IGSF11: variants seen among roughly 807,000 people sequenced by gnomAD.
IGSF11 encodes the protein CXADR like 1.
In IGSF11, 22 loss-of-function variants were observed where a neutral mutation model predicts 41.0. The ratio of observed to expected loss-of-function variants is 0.54; its 90% CI spans 0.38 to 0.77. IGSF11 has a LOEUF of 0.77. Among genes scored for constraint, IGSF11 ranks in the 30% least tolerant of loss-of-function variants. The pLI is 0.00. For missense variants in IGSF11, 444 were observed against 530.8 expected (o/e 0.84, Z 1.61); for synonymous variants, 219 against 201.3 (o/e 1.09, Z -0.74).
intron 1 of IGSF11, among the ~76,000 whole-genome samples, chr3:119,012,090 G>A (rs536893413): frequency 6.6e-6 from 1 of 152,212 alleles, no homozygotes; most frequent in South Asian, 2.1e-4. Flanking sequence ...GGCAAGTTGA[G>A]GAATGGCGTT....
intron 1 of IGSF11, among the ~76,000 whole-genome samples, chr3:119,062,690 A>G (rs1942091702): frequency 6.6e-6 from 1 of 152,202 alleles, no homozygotes; most frequent in Non-Finnish European, 1.5e-5. Context: ...AAGCTTAGCT[A>G]TTGATGGAAA....
chr3:119,024,884 T>C (rs1275231717), intron 1 of IGSF11, among the ~76,000 whole-genome samples: 1 of 152,182 alleles, frequency 6.6e-6, no homozygotes, highest in Non-Finnish European at 1.5e-5. Flanking sequence ...GAAGATATTG[T>C]CATACTTACA....
intron 1 of IGSF11, among the ~76,000 whole-genome samples, chr3:119,104,111 C>A (rs79834343): frequency 0.022 from 3,328 of 152,218 alleles, 74 homozygotes; most frequent in Non-Finnish European, 0.029. Context: ...ATAATAAGGT[C>A]ATCTTAGTCG....
At chr3:119,002,443 C>G (rs1289581982) in intron 1 of IGSF11, among the ~76,000 whole-genome samples, 497 of 146,812 alleles carry the variant, frequency 3.4e-3, no homozygotes, top group South Asian at 7.1e-3. Context: ...TCTGATGGTA[C>G]TTTCTTTTGC....
At chr3:119,082,167 G>T (rs1211753803) in intron 1 of IGSF11, among the ~76,000 whole-genome samples, 1 of 152,050 alleles carries the variant, frequency 6.6e-6, no homozygotes, top group East Asian at 1.9e-4. Flanking sequence ...CAGACCTCCT[G>T]TTAATTGAAA....
At chr3:119,102,494 T>A (rs1283994906) in intron 1 of IGSF11, among the ~76,000 whole-genome samples, 1 of 152,236 alleles carries the variant, frequency 6.6e-6, no homozygotes, top group Non-Finnish European at 1.5e-5. Flanking sequence ...TGTTTGAACA[T>A]AACATAAATG....
At chr3:119,000,731 T>G (rs1341920744) in intron 1 of IGSF11, among the ~76,000 whole-genome samples, 2 of 152,178 alleles carry the variant, frequency 1.3e-5, no homozygotes, top group Non-Finnish European at 2.9e-5. Flanking sequence ...AGAAGGGCAT[T>G]AACAATTGCA....
At chr3:119,057,800 G>A (rs1353418694) in intron 1 of IGSF11, among the ~76,000 whole-genome samples, 1 of 152,116 alleles carries the variant, frequency 6.6e-6, no homozygotes, top group Non-Finnish European at 1.5e-5. Context: ...ACAGAACAGA[G>A]CCCTCAGAAA....
At chr3:118,947,153 A>G (rs1944214631) in intron 1 of IGSF11, 1 of 152,216 alleles carries the variant, frequency 6.6e-6, no homozygotes, top group African/African-American at 2.4e-5. Context: ...CCAGCCCCCT[A>G]AGAACTAGAG....
rs1181552877 is a variant in IGSF11 at position 119,067,800 on chromosome 3, CAG to C, written c.49+37342_49+37343del. Among the ~76,000 whole-genome samples, 10 of 152,282 alleles carry C rather than the reference CAG, an allele frequency of 6.6e-5. No homozygotes were observed. In the East Asian group the frequency reaches 1.2e-3, roughly 18 times the overall value. On this transcript the variant is annotated intron_variant, in intron 1 of 6. Coordinates refer to the IGSF11 transcript ENST00000354673. ...CCATGCCTAGAACAGGCAAAAGCCC[CAG>C]AGGGAGGCATTTGTTCATTCACCTA...
rs1001678642 is a variant in IGSF11, at chr3:118,935,333, G to A, written c.53-5058C>T. On this transcript the variant is annotated intron_variant, in intron 1 of 6. Coordinates refer to ENST00000393775, the MANE Select transcript of IGSF11 (RefSeq NM_001015887.3). ...ATATATATATATGTATATACACCCT[G>A]AGATATATATATATATACATGTATA... 5.1e-5 allele frequency among the ~76,000 whole-genome samples: 7 copies of A among 137,468 alleles called. No individual in the cohort carries two copies. The East Asian group carries it at 1.5e-3, about 29-fold the overall frequency. 90.2% of individuals were successfully genotyped at this position (137,468 alleles called of 152,430 possible). A position where few individuals can be genotyped will look rare whatever the true frequency, so the allele number is the denominator to read the frequency against.
At chr3:118,926,915 T>C (rs1387658134) in intron 3 of IGSF11, among the ~76,000 whole-genome samples, 5 of 152,160 alleles carry the variant, frequency 3.3e-5, no homozygotes, top group Non-Finnish European at 7.3e-5. Context: ...AACAAAACCA[T>C]AAACTAAGCC....
rs187569977 is a variant in IGSF11, at chr3:119,073,046, G to C, written c.49+32098C>G. Among the ~76,000 whole-genome samples, 22 of 152,288 alleles carry C rather than the reference G, an allele frequency of 1.4e-4. No individual in the cohort carries two copies. In the East Asian group the frequency reaches 3.9e-3, roughly 27 times the overall value. ...TGGTGCATTTACAAACCTTGAGCTA[G>C]ACACAGCACTGATTGGTGCACTTAC... is the stretch of plus-strand genomic sequence containing the variant. On this transcript the variant is annotated intron_variant, in intron 1 of 6. Transcript: ENST00000354673.
At chr3:118,913,166 A>G (rs181095492) in intron 4 of IGSF11, among the ~76,000 whole-genome samples, 1 of 152,246 alleles carries the variant, frequency 6.6e-6, no homozygotes, top group East Asian at 1.9e-4. Context: ...ACATTTACGG[A>G]TAAGCAAAGG....
intron 1 of IGSF11, among the ~76,000 whole-genome samples, chr3:119,141,318 C>A (rs1203688936): frequency 6.6e-6 from 1 of 150,958 alleles, no homozygotes; most frequent in East Asian, 1.9e-4. Context: ...TTAAAAGCAA[C>A]AAAGGTCCCA....
At chr3:119,085,213 C>T (rs1287482287) in intron 1 of IGSF11, among the ~76,000 whole-genome samples, 3 of 152,192 alleles carry the variant, frequency 2.0e-5, no homozygotes, top group Non-Finnish European at 4.4e-5. Context: ...AAAGGAGATG[C>T]ATGGCTGAGT....
chr3:118,906,903 A>T (rs1171400792), intron 4 of IGSF11, among the ~76,000 whole-genome samples: 1 of 152,172 alleles, frequency 6.6e-6, no homozygotes, highest in African/African-American at 2.4e-5. Context: ...TAGATGTTTA[A>T]TAAGATTACA....
At chr3:119,020,215 C>A (rs1939152814) in intron 1 of IGSF11, among the ~76,000 whole-genome samples, 1 of 152,168 alleles carries the variant, frequency 6.6e-6, no homozygotes, top group Non-Finnish European at 1.5e-5. Context: ...CCTGCACAGA[C>A]CTCTACATTA....
At chr3:119,130,878 G>C (rs551567931) in intron 1 of IGSF11, among the ~76,000 whole-genome samples, 1 of 152,214 alleles carries the variant, frequency 6.6e-6, no homozygotes, top group Non-Finnish European at 1.5e-5. Context: ...AATATTTGCT[G>C]TTCTGCAGCC....
Sources: allele counts gnomAD v4.1 joint callset (sites outside exome capture counted in the v4.1 genomes callset), GRCh38; gene constraint gnomAD v4.1.1; transcripts MANE v1.5; gene names NCBI Gene and HGNC (gene_info 2026-07-23, HGNC 2026-07-21).